The following RELN variants were observed in gnomAD, a reference collection of about 807,000 sequenced individuals.
RELN encodes reelin.
In RELN, 108 loss-of-function variants were observed where a neutral mutation model predicts 427.6. That is an observed-to-expected ratio of 0.25 (90% CI 0.22 to 0.30). The LOEUF is 0.30. Among genes scored for constraint, RELN ranks in the 10% least tolerant of loss-of-function variants. The pLI, the probability that RELN is intolerant of heterozygous loss-of-function variation, is 1.00. For synonymous variants in RELN, 1,524 were observed against 1,513.4 expected (o/e 1.01, Z -0.16); for missense variants, 3,715 against 4,302.8 (o/e 0.86, Z 3.82).
chr7:103,839,268 C>T (rs1408841520), intron 2 of RELN, among the ~76,000 whole-genome samples: 1 of 149,664 alleles, frequency 6.7e-6, no homozygotes, highest in African/African-American at 2.5e-5. Context: ...CCTTTCTATG[C>T]AACTTCAAAC....
At chr7:103,909,160 T>C (rs1044708054) in intron 2 of RELN, among the ~76,000 whole-genome samples, 8 of 152,178 alleles carry the variant, frequency 5.3e-5, no homozygotes, top group African/African-American at 1.9e-4. Flanking sequence ...GCCCTAAATA[T>C]GTTCATGCAT....
At chr7:103,476,640 A>AT (rs1828043308) in intron 64 of RELN, 1 of 221,494 alleles carries the variant, frequency 4.5e-6, no homozygotes, top group South Asian at 6.2e-5. Context: ...AAAATCAACC[A>AT]TTATGGCAAG....
At chr7:103,496,829 C>T in intron 55 of RELN, 61 bp from the exon 56 acceptor site, 1 of 1,575,968 alleles carries the variant, frequency 6.3e-7, no homozygotes, top group Non-Finnish European at 8.7e-7. Flanking sequence ...CCTCATAAAC[C>T]ACCAGTATAC....
chr7:103,839,302 G>GTT (rs1793492405), intron 2 of RELN, among the ~76,000 whole-genome samples: 1 of 75,048 alleles, frequency 1.3e-5, no homozygotes, highest in African/African-American at 4.9e-5. Context: ...AGTGGTCTTT[G>GTT]CTTTTTTTTT....
chr7:103,784,021 C>T (rs975978511), intron 3 of RELN, among the ~76,000 whole-genome samples: 2 of 152,052 alleles, frequency 1.3e-5, no homozygotes, highest in Non-Finnish European at 2.9e-5. Context: ...AGTTATATAT[C>T]CTTTGTAAAT....
chr7:103,674,990 C>T (rs191403537), intron 11 of RELN, among the ~76,000 whole-genome samples: 39 of 152,232 alleles, frequency 2.6e-4, no homozygotes, highest in African/African-American at 9.4e-4. Flanking sequence ...ACAGAGATGC[C>T]CTCTCTCACC....
rs1222390389 is a variant in RELN at position 103,874,363 on chromosome 7, T to C, written c.338-40691A>G. 4.3e-4 allele frequency among the ~76,000 whole-genome samples: 60 copies of C among 140,744 alleles called. 1 individual carries two copies. The highest frequency in any genetic ancestry group is 1.2e-3 in the African/African-American group (49 of 39,522). The allele number at this position is 140,744 out of a possible 152,430, so 92.3% of individuals were successfully genotyped here. The stretch of plus-strand genomic sequence containing the variant: ...TGTTGGAAGTTCTGACCAGGGCAAT[T>C]AGGCAGGAGAAGGAAATAAACGGTA... On this transcript the variant is annotated intron_variant, in intron 2 of 64. Transcript: ENST00000428762.
At chr7:103,891,266 G>C (rs1210184459) in intron 2 of RELN, among the ~76,000 whole-genome samples, 1 of 152,054 alleles carries the variant, frequency 6.6e-6, no homozygotes, top group African/African-American at 2.4e-5. Flanking sequence ...GTTCATCTTA[G>C]ACACTTTAGG....
At chr7:103,608,467 G>C (rs1442748966) in intron 22 of RELN, among the ~76,000 whole-genome samples, 2 of 151,490 alleles carry the variant, frequency 1.3e-5, no homozygotes, top group Non-Finnish European at 2.9e-5. Flanking sequence ...TAAATTACTT[G>C]TTACATATAC....
intron 2 of RELN, among the ~76,000 whole-genome samples, chr7:103,901,507 C>T (rs1317464284): frequency 6.6e-6 from 1 of 151,970 alleles, no homozygotes; most frequent in Non-Finnish European, 1.5e-5. Flanking sequence ...ATCCAAATTT[C>T]CATCAATAGA....
At chr7:103,637,511 C>T (rs1286929707) in intron 17 of RELN, among the ~76,000 whole-genome samples, 7 of 152,202 alleles carry the variant, frequency 4.6e-5, no homozygotes, top group African/African-American at 1.2e-4. Context: ...ATCAAATGAC[C>T]AGTTTTATGT....
intron 2 of RELN, among the ~76,000 whole-genome samples, chr7:103,884,455 T>A (rs4440548): frequency 0.13 from 19,923 of 152,088 alleles, 1,561 homozygotes; most frequent in East Asian, 0.38. Flanking sequence ...ACTAAAGAGC[T>A]TCTGCACAAC....
chr7:103,742,993 T>C (rs1790709516), intron 6 of RELN, among the ~76,000 whole-genome samples: 1 of 150,130 alleles, frequency 6.7e-6, no homozygotes, highest in African/African-American at 2.5e-5. Context: ...AAGGAAAAAA[T>C]GTTAAGGGCA....
chr7:103,545,437 T>C, intron 41 of RELN, 93 bp from the exon 42 acceptor site: 2 of 839,550 alleles, frequency 2.4e-6, no homozygotes, highest in Non-Finnish European at 4.0e-6. Flanking sequence ...GGGCAGCTTC[T>C]ACCTATGCTC....
At chr7:103,781,978 TA>T (rs1791902512) in intron 3 of RELN, among the ~76,000 whole-genome samples, 2 of 152,198 alleles carry the variant, frequency 1.3e-5, no homozygotes, top group African/African-American at 4.8e-5. Context: ...CATTGTTTAC[TA>T]TTTTGGAAAG....
At chr7:103,554,716 A>T (rs1830487743) in intron 38 of RELN, among the ~76,000 whole-genome samples, 1 of 152,202 alleles carries the variant, frequency 6.6e-6, no homozygotes, top group African/African-American at 2.4e-5. Context: ...AAATAATAGC[A>T]GTGCTATGAA....
chr7:103,647,296 A>G (rs964264601), intron 16 of RELN, among the ~76,000 whole-genome samples: 7 of 152,044 alleles, frequency 4.6e-5, no homozygotes, highest in African/African-American at 9.7e-5. Context: ...ATATGATCTT[A>G]TACCTAAAAA....
intron 19 of RELN, among the ~76,000 whole-genome samples, chr7:103,631,805 G>T (rs915281966): frequency 6.6e-6 from 1 of 151,788 alleles, no homozygotes; most frequent in African/African-American, 2.4e-5. Context: ...TATATAGAAA[G>T]AAACTAAATA....
chr7:103,501,058 AAT>A, intron 52 of RELN, 136 bp from the exon 53 acceptor site: 1 of 801,280 alleles, frequency 1.2e-6, no homozygotes, highest in East Asian at 2.7e-5. Flanking sequence ...GTTAATAAAA[AAT>A]GTTTTCTGAC....
Sources: allele counts gnomAD v4.1 joint callset (sites outside exome capture counted in the v4.1 genomes callset), GRCh38; gene constraint gnomAD v4.1.1; transcripts MANE v1.5; gene names NCBI Gene and HGNC (gene_info 2026-07-23, HGNC 2026-07-21).